PTPN9: variants seen among roughly 807,000 people sequenced by gnomAD.
The protein encoded by PTPN9 is tyrosine-protein phosphatase non-receptor type 9.
A neutral mutation model predicts 69.8 loss-of-function variants in PTPN9; 26 were observed. The ratio of observed to expected loss-of-function variants is 0.37; its 90% confidence interval spans 0.27 to 0.52. The LOEUF is 0.52. PTPN9 is among the 20% of genes least tolerant of loss of function. The probability of loss-of-function intolerance (pLI) is 0.91; values close to 1 mark genes in which losing one functional copy is unlikely to be tolerated. For missense variants in PTPN9, 549 were observed against 740.3 expected (o/e 0.74, Z 3.00); for synonymous variants, 274 against 272.5 (o/e 1.01, Z -0.05).
chr15:75,505,871 G>C lies in PTPN9; in HGVS notation c.772C>G (p.Pro258Ala), dbSNP rs2074817035. 1 of 1,614,158 alleles carries C rather than the reference G, an allele frequency of 6.2e-7. No homozygotes were observed. Among genetic ancestry groups the C allele is most frequent in the Non-Finnish European group, 8.5e-7 (1 of 1,180,028 alleles). The part of the protein sequence containing the change: ...FQFLPQVNGH[P>A]DPFDEIILFS... ...AGGATGATCTCATCGAAGGGATCTG[G>C]GTGGCCGTTCACCTGGGGTAGGAAC... The change falls in exon 7 of 13, where the codon CCA (proline) becomes GCA (alanine). Residue 258 changes from proline (P) to alanine (A), a missense_variant. This residue lies in a region of PTPN9 where 457 missense variants were observed against 661.9 expected (regional missense o/e 0.69). Coordinates refer to ENST00000618819, the MANE Select transcript of PTPN9 (RefSeq NM_002833.4).
At chr15:75,572,893 G>A (rs2075155414) in intron 1 of PTPN9, among the ~76,000 whole-genome samples, 1 of 152,080 alleles carries the variant, frequency 6.6e-6, no homozygotes, top group South Asian at 2.1e-4. Context: ...ATAATTTCTT[G>A]CACAGAGTAT....
rs2074851286 is a variant in PTPN9, at chr15:75,512,883, T to A, written c.529-3856A>T. On this transcript the variant is annotated intron_variant, in intron 5 of 12. Transcript: ENST00000618819. ...CAGACAATACCCCAACTATGTATTC[T>A]TCTGTATTTGCAAGCTACATGTTCT... 1.5e-5 allele frequency: 5 copies of A among 324,896 alleles called. No homozygotes were observed. In the Middle Eastern group the frequency reaches 6.1e-3, roughly 399 times the overall value. 20.1% of individuals were successfully genotyped at this position (324,896 alleles called of 1,614,324 possible).
intron 7 of PTPN9, among the ~76,000 whole-genome samples, chr15:75,492,422 A>T (rs1033709823): frequency 3.3e-5 from 5 of 152,188 alleles, no homozygotes; most frequent in African/African-American, 1.2e-4. Flanking sequence ...AAGATGGCAC[A>T]CCCTTAGAAC....
At chr15:75,477,833 CTT>C (rs1196645006) in intron 9 of PTPN9, among the ~76,000 whole-genome samples, 17 of 91,828 alleles carry the variant, frequency 1.9e-4, no homozygotes, top group African/African-American at 7.3e-4. Context: ...ATCAGATACT[CTT>C]TTTTTTTTTT....
chr15:75,542,548 A>C (rs2141331141), intron 1 of PTPN9, among the ~76,000 whole-genome samples: 1 of 152,334 alleles, frequency 6.6e-6, no homozygotes, highest in African/African-American at 2.4e-5. Flanking sequence ...TCTGAGTCCA[A>C]AGCTTCAGGC....
intron 1 of PTPN9, among the ~76,000 whole-genome samples, chr15:75,540,018 T>G (rs2075001630): frequency 6.6e-6 from 1 of 152,196 alleles, no homozygotes; most frequent in African/African-American, 2.4e-5. Flanking sequence ...CACGTTTTAT[T>G]TATTAGGAAG....
intron 8 of PTPN9, among the ~76,000 whole-genome samples, chr15:75,488,748 C>A (rs1016393138): frequency 2.0e-5 from 3 of 152,134 alleles, no homozygotes; most frequent in Non-Finnish European, 4.4e-5. Flanking sequence ...GAGCTACGAT[C>A]AAGTCACTGC....
rs1009236682 is a variant in PTPN9, at chr15:75,558,950, C to T, written c.63+19764G>A. Reference sequence around the variant, plus strand: ...GATTGCAGCCTCTGCCCGGCTGCCACCCCGTCTGGGAAGTGAGGAGCGTCT... The same window carrying T: ...GATTGCAGCCTCTGCCCGGCTGCCATCCCGTCTGGGAAGTGAGGAGCGTCT... On this transcript the variant is annotated intron_variant, in intron 1 of 12. Coordinates refer to ENST00000618819, the MANE Select transcript of PTPN9 (RefSeq NM_002833.4). 3.9e-5 allele frequency among the ~76,000 whole-genome samples: 6 copies of T among 152,276 alleles called. No individual in the cohort carries two copies. The South Asian group carries it at 1.2e-3, about 32-fold the overall frequency.
At chr15:75,475,159 A>T (rs1299760185) in intron 9 of PTPN9, among the ~76,000 whole-genome samples, 1 of 152,232 alleles carries the variant, frequency 6.6e-6, no homozygotes, top group Non-Finnish European at 1.5e-5. Context: ...GGTCCTAAGG[A>T]CAAAGGATTA....
chr15:75,478,258 A>C (rs2074608138), intron 9 of PTPN9, among the ~76,000 whole-genome samples: 1 of 151,784 alleles, frequency 6.6e-6, no homozygotes, highest in Admixed American at 6.6e-5. Flanking sequence ...GGCATGTGCC[A>C]CCACGCCCGG....
At chr15:75,543,055 T>C (rs540888067) in intron 1 of PTPN9, among the ~76,000 whole-genome samples, 5 of 140,076 alleles carry the variant, frequency 3.6e-5, no homozygotes, top group African/African-American at 8.0e-5. Flanking sequence ...TGTGTCCATG[T>C]GTTCTCACTG....
chr15:75,530,682 T>C (rs1277297579), intron 1 of PTPN9, among the ~76,000 whole-genome samples: 1 of 61,012 alleles, frequency 1.6e-5, no homozygotes, highest in South Asian at 4.3e-4. Context: ...ATATATATTA[T>C]TATATTATAA....
intron 1 of PTPN9, among the ~76,000 whole-genome samples, chr15:75,561,507 T>A (rs2075103847): frequency 6.6e-6 from 1 of 151,980 alleles, no homozygotes; most frequent in Non-Finnish European, 1.5e-5. Flanking sequence ...TAGGCAAGTA[T>A]ATGAAATATA....
intron 1 of PTPN9, among the ~76,000 whole-genome samples, chr15:75,529,112 G>A (rs377255794): frequency 1.3e-5 from 2 of 151,578 alleles, no homozygotes; most frequent in South Asian, 4.2e-4. Context: ...TCAGCCTCCC[G>A]AGTAGCTGGG....
rs1567504128 is a variant in PTPN9, at chr15:75,527,202, C to CG, written c.122dup (p.Leu42AlafsTer16). On this transcript the variant is annotated frameshift_variant, in exon 2 of 13. Coordinates refer to ENST00000618819, the MANE Select transcript of PTPN9 (RefSeq NM_002833.4). LOFTEE classifies it high-confidence loss of function. ...ACTTGACAGCCACATTCCAAGACAG[C>CG]GGGGAAACATTGTACTGAACTGTCC... 6.2e-7 allele frequency: 1 copy of CG among 1,614,054 alleles called. No homozygotes were observed. Among genetic ancestry groups the CG allele is most frequent in the South Asian group, 1.1e-5 (1 of 91,082 alleles).
chr15:75,538,075 A>AACAAAACAAAACAG (rs879672838), intron 1 of PTPN9, among the ~76,000 whole-genome samples: 2,882 of 152,130 alleles, frequency 0.019, 45 homozygotes, highest in Non-Finnish European at 0.031. Context: ...AAACAAAACA[A>AACAAAACAAAACAG]AACAAAACAC....
intron 7 of PTPN9, among the ~76,000 whole-genome samples, chr15:75,500,372 T>C (rs574611998): frequency 6.2e-3 from 806 of 129,978 alleles, no homozygotes; most frequent in African/African-American, 9.1e-3. Flanking sequence ...CACACACACA[T>C]ATATATACAC....
chr15:75,540,970 T>G (rs143717249), intron 1 of PTPN9, among the ~76,000 whole-genome samples: 137 of 151,912 alleles, frequency 9.0e-4, no homozygotes, highest in African/African-American at 3.2e-3. Context: ...TCCCAGGTAC[T>G]CAGGAGGCTG....
chr15:75,480,080 C>G (rs998352560), intron 8 of PTPN9, among the ~76,000 whole-genome samples, 166 bp from the exon 9 acceptor site: 8 of 152,000 alleles, frequency 5.3e-5, no homozygotes, highest in African/African-American at 1.9e-4. Flanking sequence ...ATAAATGGTG[C>G]TGGGACAAGT....
Sources: allele counts gnomAD v4.1 joint callset (sites outside exome capture counted in the v4.1 genomes callset), GRCh38; gene constraint gnomAD v4.1.1; regional missense constraint gnomAD v4.1.1; transcripts MANE v1.5; gene names NCBI Gene and HGNC (gene_info 2026-07-23, HGNC 2026-07-21).